The following GULP1 variants were observed in gnomAD, a reference collection of about 807,000 sequenced individuals.
GULP1 encodes PTB domain-containing engulfment adapter protein 1.
Under a neutral mutation model 40.9 loss-of-function variants are expected in GULP1, and 19 were observed. The observed-to-expected ratio is 0.46, with a 90% confidence interval of 0.32 to 0.68. GULP1 has a LOEUF of 0.68. Ranked by LOEUF, GULP1 falls within the 30% of genes least tolerant of loss-of-function variation. GULP1 has a pLI of 0.03. For synonymous variants in GULP1, 119 were observed against 117.6 expected, an observed-to-expected ratio of 1.01 and a Z score of -0.08; for missense variants, 312 against 362.2, an observed-to-expected ratio of 0.86 and a Z score of 1.12.
intron 6 of GULP1, among the ~76,000 whole-genome samples, chr2:188,534,344 T>G (rs781222160): frequency 3.3e-5 from 5 of 152,086 alleles, no homozygotes; most frequent in Non-Finnish European, 7.4e-5. Flanking sequence ...TGCAGCAACA[T>G]GGATGCATCT....
chr2:188,522,979 A>C, intron 5 of GULP1, 152 bp downstream of exon 5: 1 of 516,624 alleles, frequency 1.9e-6, no homozygotes, highest in Non-Finnish European at 3.6e-6. Context: ...ATATCAAGGA[A>C]ACATTTTTAA....
At chr2:188,588,792 C>G (rs1702931084) in intron 11 of GULP1, 1 of 151,954 alleles carries the variant, frequency 6.6e-6, no homozygotes, top group Admixed American at 6.6e-5. Context: ...GCCTCACTTC[C>G]TAGAAAAAAC....
At chr2:188,453,478 G>A (rs1442695880) in intron 2 of GULP1, among the ~76,000 whole-genome samples, 1 of 152,100 alleles carries the variant, frequency 6.6e-6, no homozygotes, top group Non-Finnish European at 1.5e-5. Context: ...GATATAGATT[G>A]GTGGGTGTGA....
rs947532968 is a variant in GULP1, at chr2:188,594,685, GGTA to G, written c.*677_*679del. On this transcript the variant is annotated 3_prime_UTR_variant, in exon 12 of 12. Transcript: ENST00000409830. Reference sequence around the variant, plus strand: ...CTAAATATTTAATTTGTTTTATAAAGGTAGTGAAAAAATGAAAATTTGCTATTT... The same window carrying G: ...CTAAATATTTAATTTGTTTTATAAAGGTGAAAAAATGAAAATTTGCTATTT... 4.0e-5 allele frequency: 6 copies of G among 151,426 alleles called. No individual in the cohort carries two copies. Among genetic ancestry groups the G allele is most frequent in the Non-Finnish European group, 8.9e-5 (6 of 67,662 alleles). The allele number at this position is 151,426 out of a possible 1,614,324, so 9.4% of individuals were successfully genotyped here. A position where few individuals can be genotyped will look rare whatever the true frequency, so the allele number is the denominator to read the frequency against.
At chr2:188,394,425 C>G (rs1249011493) in intron 2 of GULP1, among the ~76,000 whole-genome samples, 1 of 151,836 alleles carries the variant, frequency 6.6e-6, no homozygotes, top group Non-Finnish European at 1.5e-5. Flanking sequence ...AATTTTCATT[C>G]ATATCCTGAA....
At chr2:188,332,191 C>CT (rs11431434) in intron 1 of GULP1, among the ~76,000 whole-genome samples, 109,796 of 126,644 alleles carry the variant, frequency 0.87, 47,995 homozygotes, top group East Asian at 0.98. Flanking sequence ...TTTCTTTATT[C>CT]TTTTTTTTTT....
At chr2:188,314,708 T>C (rs936112848) in intron 1 of GULP1, among the ~76,000 whole-genome samples, 3 of 152,188 alleles carry the variant, frequency 2.0e-5, no homozygotes, top group African/African-American at 7.2e-5. Context: ...CCCTTAACAA[T>C]GGTTTTGTTT....
chr2:188,370,729 C>A (rs1055431344), intron 1 of GULP1, among the ~76,000 whole-genome samples: 4 of 152,172 alleles, frequency 2.6e-5, no homozygotes, highest in Non-Finnish European at 5.9e-5. Flanking sequence ...CAAAGTAAGT[C>A]CTTGAGCTAA....
chr2:188,563,600 C>G (rs1696895768), intron 7 of GULP1, among the ~76,000 whole-genome samples: 1 of 149,460 alleles, frequency 6.7e-6, no homozygotes, highest in Non-Finnish European at 1.5e-5. Context: ...AAATATTTGG[C>G]CCACATATTT....
chr2:188,311,035 G>A (rs574116038), intron 1 of GULP1, among the ~76,000 whole-genome samples: 2 of 152,254 alleles, frequency 1.3e-5, no homozygotes, highest in Admixed American at 1.3e-4. Context: ...GCAGCTTTCC[G>A]TGTCCACACA....
chr2:188,540,825 G>A (rs1046457713), intron 6 of GULP1, among the ~76,000 whole-genome samples: 1 of 152,054 alleles, frequency 6.6e-6, no homozygotes, highest in African/African-American at 2.4e-5. Flanking sequence ...AACTGTGGGG[G>A]TGTCTTATTC....
rs534271909 is a variant in GULP1, at chr2:188,371,623, A to G, written c.-171-12140A>G. Reference sequence around the variant, plus strand: ...TCAGTGAAAGCATTTAAATTAAAAGAAACTTACAAATTCATCATGATCAGA... The same window carrying G: ...TCAGTGAAAGCATTTAAATTAAAAGGAACTTACAAATTCATCATGATCAGA... On this transcript the variant is annotated intron_variant, in intron 1 of 11. Transcript: ENST00000409830. 4.5e-4 allele frequency among the ~76,000 whole-genome samples: 68 copies of G among 152,210 alleles called. 1 individual carries two copies. The highest frequency in any genetic ancestry group is 1.6e-3 in the African/African-American group (66 of 41,510).
chr2:188,515,658 A>G (rs2065093491), intron 4 of GULP1, among the ~76,000 whole-genome samples: 3 of 151,960 alleles, frequency 2.0e-5, no homozygotes, highest in African/African-American at 7.2e-5. Context: ...TGTGTCTGTG[A>G]TCTAGACATA....
intron 11 of GULP1, chr2:188,590,762 G>A (rs1205160948): frequency 8.5e-5 from 13 of 152,134 alleles, no homozygotes; most frequent in Non-Finnish European, 1.8e-4. Flanking sequence ...ACTGTAACAT[G>A]TGAGCTATAA....
At chr2:188,345,555 G>A (rs2043533633) in intron 1 of GULP1, among the ~76,000 whole-genome samples, 2 of 152,302 alleles carry the variant, frequency 1.3e-5, no homozygotes, top group Admixed American at 6.5e-5. Flanking sequence ...GAGAGTTTGA[G>A]GGTTATTGTT....
chr2:188,352,993 T>C (rs1285587492), intron 1 of GULP1, among the ~76,000 whole-genome samples: 2 of 152,142 alleles, frequency 1.3e-5, no homozygotes, highest in Non-Finnish European at 2.9e-5. Flanking sequence ...TTGAAGTTGA[T>C]CGGTAAGGTT....
chr2:188,507,924 C>A (rs1453150411), intron 4 of GULP1, among the ~76,000 whole-genome samples: 1 of 151,718 alleles, frequency 6.6e-6, no homozygotes, highest in Non-Finnish European at 1.5e-5. Context: ...AGGTATAGTT[C>A]TTTTTGAGAA....
intron 7 of GULP1, among the ~76,000 whole-genome samples, chr2:188,563,436 C>G (rs1696822635): frequency 6.7e-6 from 1 of 150,104 alleles, no homozygotes; most frequent in Admixed American, 6.7e-5. Flanking sequence ...CTCAATTTAC[C>G]AAATTGACAG....
At chr2:188,303,488 T>G (rs2036500390) in intron 1 of GULP1, among the ~76,000 whole-genome samples, 1 of 152,128 alleles carries the variant, frequency 6.6e-6, no homozygotes, top group African/African-American at 2.4e-5. Context: ...GTGTGGGCAG[T>G]GCACTTGAAG....
Sources: gnomAD v4.1 joint callset for allele counts (sites outside exome capture counted in the v4.1 genomes callset) on GRCh38, gnomAD v4.1.1 for gene constraint, MANE v1.5 for transcripts, NCBI Gene and HGNC (gene_info 2026-07-23, HGNC 2026-07-21) for gene names.